RBFOX1: variants seen among roughly 807,000 people sequenced by gnomAD.
The protein encoded by RBFOX1 is RNA binding fox-1 homolog 1, also known as RNA binding protein fox-1 homolog 1.
RBFOX1 carries 8 observed loss-of-function variants against 57.7 expected under a neutral mutation model. The observed-to-expected ratio is 0.14, with a 90% CI of 0.08 to 0.25. The LOEUF (loss-of-function observed/expected upper bound fraction) is 0.25, where lower values mean the gene tolerates loss of function less well. Among genes scored for constraint, RBFOX1 ranks in the 10% least tolerant of loss-of-function variants. The pLI, the probability that RBFOX1 is intolerant of heterozygous loss-of-function variation, is 1.00. For synonymous variants in RBFOX1, 326 were observed against 222.4 expected (o/e 1.47, Z -4.15); for missense variants, 611 against 548.5 (o/e 1.11, Z -1.14).
At chr16:7,606,118 A>ATTTTTT (rs34232105) in intron 9 of RBFOX1, among the ~76,000 whole-genome samples, 5 of 114,622 alleles carry the variant, frequency 4.4e-5, no homozygotes, top group Non-Finnish European at 8.6e-5. Context: ...ACCTGCATGG[A>ATTTTTT]TTTTTTTTTT....
intron 1 of RBFOX1, among the ~76,000 whole-genome samples, chr16:6,080,656 G>T (rs1040635833): frequency 7.2e-5 from 11 of 151,902 alleles, no homozygotes; most frequent in Non-Finnish European, 1.3e-4. Context: ...TATGAACAGG[G>T]GTATATATTT....
chr16:7,563,787 C>A (rs1345613088), intron 5 of RBFOX1, among the ~76,000 whole-genome samples: 2 of 151,916 alleles, frequency 1.3e-5, no homozygotes, highest in African/African-American at 4.8e-5. Context: ...TTTTAACTAC[C>A]TATCCTGGAA....
intron 3 of RBFOX1, among the ~76,000 whole-genome samples, chr16:6,906,819 T>C (rs1596799714): frequency 6.6e-6 from 1 of 150,786 alleles, no homozygotes; most frequent in South Asian, 2.1e-4. Flanking sequence ...ACCTCCTGGG[T>C]TCAAGCAATT....
chr16:5,596,192 T>G (rs1186837439), intron 2 of RBFOX1, among the ~76,000 whole-genome samples: 1 of 152,180 alleles, frequency 6.6e-6, no homozygotes, highest in African/African-American at 2.4e-5. Flanking sequence ...AGGAATTTCA[T>G]CTGGTAGCTA....
rs2060433375 is a variant in RBFOX1, at chr16:5,993,308, G to T, written c.351+125973G>T. On this transcript the variant is annotated intron_variant, in intron 4 of 19. Coordinates refer to the RBFOX1 transcript ENST00000641259. ...ATGTGAAAACCACAAGAGAGAATGT[G>T]CCTGTTTGCCTGCCTATTTGATAAT... 3.3e-5 allele frequency among the ~76,000 whole-genome samples: 5 copies of T among 151,898 alleles called. No individual in the cohort carries two copies. In the South Asian group the frequency reaches 1.0e-3, roughly 32 times the overall value.
intron 3 of RBFOX1, among the ~76,000 whole-genome samples, chr16:5,837,105 C>G: frequency 6.6e-6 from 1 of 152,092 alleles, no homozygotes; most frequent in East Asian, 1.9e-4. Flanking sequence ...ATTCTAGCCT[C>G]CTTTCCCAAC....
chr16:7,704,496 G>A (rs887590043), intron 14 of RBFOX1, among the ~76,000 whole-genome samples: 1 of 152,094 alleles, frequency 6.6e-6, no homozygotes, highest in Non-Finnish European at 1.5e-5. Flanking sequence ...TATCTGAATG[G>A]GATCATAATT....
intron 2 of RBFOX1, among the ~76,000 whole-genome samples, chr16:6,407,560 T>TG (rs1258604085): frequency 4.0e-5 from 3 of 75,928 alleles, no homozygotes; most frequent in Non-Finnish European, 7.3e-5. Context: ...TGTGTGTGTG[T>TG]GTGTGTGACA....
intron 3 of RBFOX1, among the ~76,000 whole-genome samples, chr16:6,689,713 C>T (rs927227380): frequency 2.6e-5 from 4 of 152,152 alleles, no homozygotes; most frequent in African/African-American, 7.2e-5. Context: ...CATTCATGTT[C>T]TGTTTGGTTC....
intron 2 of RBFOX1, among the ~76,000 whole-genome samples, chr16:5,571,436 A>C (rs1332038485): frequency 6.6e-6 from 1 of 151,790 alleles, no homozygotes; most frequent in African/African-American, 2.4e-5. Context: ...GCTGGTCTCA[A>C]ACTCCTGACC....
At chr16:7,408,667 T>C (rs150042606) in intron 4 of RBFOX1, among the ~76,000 whole-genome samples, 9 of 152,334 alleles carry the variant, frequency 5.9e-5, no homozygotes, top group Admixed American at 2.6e-4. Flanking sequence ...TTCTCCACCA[T>C]TGACATTTTA....
intron 1 of RBFOX1, among the ~76,000 whole-genome samples, chr16:5,297,401 C>CT (rs1292844993): frequency 1.4e-4 from 22 of 152,182 alleles, no homozygotes; most frequent in African/African-American, 4.6e-4. Context: ...CTCACCAACA[C>CT]TTGTTATCTT....
intron 1 of RBFOX1, among the ~76,000 whole-genome samples, chr16:6,109,210 A>G (rs1313525261): frequency 6.6e-6 from 1 of 152,050 alleles, no homozygotes; most frequent in Non-Finnish European, 1.5e-5. Context: ...TTCCCCTTTA[A>G]TATTCTAGTA....
At chr16:7,705,075 CAGAG>C (rs1485343503) in intron 14 of RBFOX1, among the ~76,000 whole-genome samples, 1 of 148,918 alleles carries the variant, frequency 6.7e-6, no homozygotes, top group East Asian at 2.0e-4. Context: ...GGCAGAGAGC[CAGAG>C]AAAGAAGCAT....
chr16:7,069,959 G>C (rs1047881987), intron 4 of RBFOX1, among the ~76,000 whole-genome samples: 1 of 152,224 alleles, frequency 6.6e-6, no homozygotes, highest in Non-Finnish European at 1.5e-5. Context: ...AAACACCATA[G>C]CCTAATAATT....
At chr16:7,628,253 G>A (rs1175025654) in intron 10 of RBFOX1, among the ~76,000 whole-genome samples, 1 of 152,110 alleles carries the variant, frequency 6.6e-6, no homozygotes, top group South Asian at 2.1e-4. Context: ...AGGAGAGAAG[G>A]TTGAGGAGCA....
intron 3 of RBFOX1, among the ~76,000 whole-genome samples, chr16:5,733,216 G>A (rs999130185): frequency 2.6e-5 from 4 of 152,062 alleles, no homozygotes; most frequent in African/African-American, 9.7e-5. Flanking sequence ...AAGAGACTGG[G>A]GACTAACACA....
intron 4 of RBFOX1, among the ~76,000 whole-genome samples, chr16:7,203,479 A>G (rs775824524): frequency 2.0e-5 from 3 of 152,224 alleles, no homozygotes; most frequent in Non-Finnish European, 4.4e-5. Flanking sequence ...TTGCATAACA[A>G]TATAAATATA....
rs551085902 is a variant in RBFOX1 at position 6,213,613 on chromosome 16, G to A, written c.-126-103382G>A. On this transcript the variant is annotated intron_variant, in intron 1 of 15. Transcript: ENST00000550418. ...ATTGTTTATAACATGTATTTAAGCC[G>A]TGTATGAACCTGGGAGTCATGAGTC... Among the ~76,000 whole-genome samples the A allele has an allele frequency of 1.6e-4, 24 of 152,266 alleles. No individual in the cohort carries two copies. The East Asian group carries it at 2.7e-3, about 17-fold the overall frequency.
Sources: gnomAD v4.1 joint callset for allele counts (sites outside exome capture counted in the v4.1 genomes callset) on GRCh38, gnomAD v4.1.1 for gene constraint, MANE v1.5 for transcripts, NCBI Gene and HGNC (gene_info 2026-07-23, HGNC 2026-07-21) for gene names.